Variants in SLAMF7 observed in about 807,000 individuals in gnomAD.
SLAMF7 encodes the protein 19A24 protein.
SLAMF7 carries 26 observed loss-of-function variants against 34.1 expected under a neutral mutation model. The observed-to-expected ratio is 0.76, with a 90% CI of 0.56 to 1.06. SLAMF7 has a LOEUF of 1.06. SLAMF7 is among the 50% of genes least tolerant of loss of function. The probability of loss-of-function intolerance (pLI) is 0.00; values close to 1 mark genes in which losing one functional copy is unlikely to be tolerated. For missense variants in SLAMF7, 399 were observed against 402.5 expected, an observed-to-expected ratio of 0.99 and a Z score of 0.07; for synonymous variants, 171 against 156.4, an observed-to-expected ratio of 1.09 and a Z score of -0.70.
chr1:160,754,561 G>C lies in SLAMF7; in HGVS notation c.*1384G>C, dbSNP rs1664875585. The C allele has an allele frequency of 6.6e-6, 1 of 152,358 alleles. No homozygotes were observed. The highest frequency in any genetic ancestry group is 2.4e-5 in the African/African-American group (1 of 41,454). 9.4% of individuals were successfully genotyped at this position (152,358 alleles called of 1,614,324 possible). ...TACTTAAGTGAAAAACATGGGGAAG[G>C]GGAAAGGGGAATGGCTGCTTTTGAT... On this transcript the variant is annotated 3_prime_UTR_variant, in exon 7 of 7. Coordinates refer to ENST00000368043, the MANE Select transcript of SLAMF7 (RefSeq NM_021181.5).
chr1:160,750,468 C>G (rs758665934), intron 4 of SLAMF7, 45 bp downstream of exon 4: 1 of 1,597,562 alleles, frequency 6.3e-7, no homozygotes, highest in Non-Finnish European at 8.5e-7. Flanking sequence ...TCATGTTTTT[C>G]TCCTTCACTG....
chr1:160,739,407 A>G, intron 1 of SLAMF7, 51 bp downstream of exon 1: 6 of 1,527,068 alleles, frequency 3.9e-6, no homozygotes, highest in Non-Finnish European at 5.4e-6. Context: ...CATCCTGAAT[A>G]GTTCCAGGTT....
intron 1 of SLAMF7, 154 bp downstream of exon 1, chr1:160,739,510 AG>A: frequency 1.5e-6 from 1 of 646,176 alleles, no homozygotes; most frequent in Non-Finnish European, 2.7e-6. Flanking sequence ...TCTGATTCTC[AG>A]GTCAGGAAGA....
At position 160,748,270 on chromosome 1, in the gene SLAMF7, A is replaced by G. The variant is rs1664289012; in HGVS notation, c.132A>G (p.Lys44=). ...CCGTGACTTTCCCCCTGAAGTCCAA[A>G]GTAAAGCAAGTTGACTCTATTGTCT... is the stretch of plus-strand genomic sequence containing the variant. ...GGAVTFPLKS[K]VKQVDSIVWT... Residue 44 remains lysine (K), a synonymous_variant, in exon 2 of 7, where the codon AAA becomes AAG. Coordinates refer to ENST00000368043, the MANE Select transcript of SLAMF7 (RefSeq NM_021181.5). 2 of 1,614,112 alleles carry G rather than the reference A, an allele frequency of 1.2e-6. No homozygotes were observed. The highest frequency in any genetic ancestry group is 1.7e-6 in the Non-Finnish European group (2 of 1,179,966).
intron 6 of SLAMF7, 130 bp downstream of exon 6, chr1:160,752,378 C>A: frequency 1.5e-6 from 1 of 661,060 alleles, no homozygotes; most frequent in Non-Finnish European, 2.7e-6. Flanking sequence ...AGTAGTTCCC[C>A]ATTCCCTTTG....
intron 1 of SLAMF7, among the ~76,000 whole-genome samples, chr1:160,743,352 G>T (rs191763744): frequency 6.6e-6 from 1 of 152,208 alleles, no homozygotes; most frequent in Non-Finnish European, 1.5e-5. Context: ...AGTGAGCTGA[G>T]GATCAGGGGA....
rs1445147404 is a variant in SLAMF7 at position 160,751,531 on chromosome 1, A to G, written c.873+83A>G. ...AGGTTTTTCCATGGGTTTGGACAAC[A>G]TGGGAATGAAGAGGGGAGTGAGGAT... On this transcript the variant is annotated intron_variant, in intron 5 of 6. Transcript: ENST00000368043. 6.3e-6 allele frequency: 7 copies of G among 1,112,224 alleles called. No homozygotes were observed. In the East Asian group the frequency reaches 1.2e-4, roughly 19 times the overall value. The allele number at this position is 1,112,224 out of a possible 1,614,324, so 68.9% of individuals were successfully genotyped here. A position where few individuals can be genotyped will look rare whatever the true frequency, so the allele number is the denominator to read the frequency against.
At position 160,753,475 on chromosome 1, in the gene SLAMF7, A is replaced by C; in HGVS notation, c.*298A>C. 2.8e-6 allele frequency: 1 copy of C among 360,402 alleles called. No individual in the cohort carries two copies. The highest frequency in any genetic ancestry group is 5.1e-6 in the Non-Finnish European group (1 of 196,498). 22.3% of individuals were successfully genotyped at this position (360,402 alleles called of 1,614,324 possible). ...TAGAAGTATTCCTATAAAAATGTAA[A>C]TGCAAGGTCACACATATTAATGACA... On this transcript the variant is annotated 3_prime_UTR_variant, in exon 7 of 7. Transcript: ENST00000368043.
chr1:160,749,538 GC>G (rs1664389896), intron 2 of SLAMF7, among the ~76,000 whole-genome samples: 2 of 152,302 alleles, frequency 1.3e-5, no homozygotes, highest in South Asian at 4.1e-4. Context: ...TTATCACAGT[GC>G]TTGCCATGTG....
intron 1 of SLAMF7, among the ~76,000 whole-genome samples, chr1:160,743,261 C>T (rs1285276413): frequency 6.6e-6 from 1 of 152,130 alleles, no homozygotes; most frequent in Non-Finnish European, 1.5e-5. Flanking sequence ...CAGGGAAGAG[C>T]TTTGAATTAG....
chr1:160,747,750 C>T (rs1664247650), intron 1 of SLAMF7, among the ~76,000 whole-genome samples: 1 of 152,172 alleles, frequency 6.6e-6, no homozygotes, highest in South Asian at 2.1e-4. Flanking sequence ...AACTGCTAGT[C>T]CCAAACTAAA....
At chr1:160,739,233 G>A (rs112761831), upstream of SLAMF7, 5 of 1,361,514 alleles carry the variant, frequency 3.7e-6, no homozygotes, top group African/African-American at 1.4e-5. Flanking sequence ...ATATCAGCTG[G>A]GGAAGAGGTC....
chr1:160,743,551 T>C (rs1195539622), intron 1 of SLAMF7, among the ~76,000 whole-genome samples: 2 of 152,220 alleles, frequency 1.3e-5, no homozygotes, highest in Non-Finnish European at 2.9e-5. Flanking sequence ...ATTTGGCTTG[T>C]ACGGAATGAG....
intron 3 of SLAMF7, 48 bp downstream of exon 3, chr1:160,750,141 C>T: frequency 6.3e-7 from 1 of 1,594,158 alleles, no homozygotes; most frequent in South Asian, 1.1e-5. Flanking sequence ...AGGTCCTACA[C>T]CTTCTTCAGC....
chr1:160,743,253 G>T (rs574373207), intron 1 of SLAMF7, among the ~76,000 whole-genome samples: 8 of 152,326 alleles, frequency 5.3e-5, no homozygotes, highest in African/African-American at 1.9e-4. Context: ...GGCTTCCTCA[G>T]GGAAGAGCTT....
At chr1:160,742,478 C>CA (rs1558052613) in intron 1 of SLAMF7, among the ~76,000 whole-genome samples, 1 of 152,234 alleles carries the variant, frequency 6.6e-6, no homozygotes, top group East Asian at 1.9e-4. Context: ...GAAATAAAAC[C>CA]AAAAGATGGG....
In SLAMF7 at chr1:160,753,548, C is replaced by T. The variant is rs1451096514; in HGVS notation, c.*371C>T. The T allele has an allele frequency of 5.1e-6, 1 of 196,350 alleles. No individual in the cohort carries two copies. Among genetic ancestry groups the T allele is most frequent in the East Asian group, 1.4e-4 (1 of 7,274 alleles). The allele number at this position is 196,350 out of a possible 1,614,324, so 12.2% of individuals were successfully genotyped here. On this transcript the variant is annotated 3_prime_UTR_variant, in exon 7 of 7. Transcript: ENST00000368043. ...CCAGGTCAGTGTCTGGAGTTTCATT[C>T]CATCCCAGGGCTTGGATGTCAGGAT...
chr1:160,744,331 C>T (rs2101660124), intron 1 of SLAMF7, among the ~76,000 whole-genome samples: 1 of 152,344 alleles, frequency 6.6e-6, no homozygotes, highest in African/African-American at 2.4e-5. Flanking sequence ...AATCTCCAAC[C>T]TTGCCCCTGT....
Position 160,749,982 on chromosome 1 carries a change from CTCCCCATCTCCTGG to C in SLAMF7, c.539_552del (p.Leu180GlnfsTer6). The C allele has an allele frequency of 6.2e-7, 1 of 1,614,182 alleles. No homozygotes were observed. The highest frequency in any genetic ancestry group is 8.5e-7 in the Non-Finnish European group (1 of 1,179,984). On this transcript the variant is annotated frameshift_variant, in exon 3 of 7. Transcript: ENST00000368043. LOFTEE classifies it high-confidence loss of function. ...CAATGAGTCCCATAATGGGTCCATC[CTCCCCATCTCCTGG>C]AGATGGGGAGAAAGTGATATGACCT...
Sources: allele counts gnomAD v4.1 joint callset (sites outside exome capture counted in the v4.1 genomes callset), GRCh38; gene constraint gnomAD v4.1.1; transcripts MANE v1.5; gene names NCBI Gene and HGNC (gene_info 2026-07-23, HGNC 2026-07-21).